The following PLXNA4 variants were observed in gnomAD, a reference collection of about 807,000 sequenced individuals.
PLXNA4 encodes plexin A4.
PLXNA4 carries 44 observed loss-of-function variants against 191.8 expected under a neutral mutation model. The observed-to-expected ratio is 0.23, with a 90% CI of 0.18 to 0.29. The LOEUF (loss-of-function observed/expected upper bound fraction) is 0.29. Ranked by LOEUF, PLXNA4 falls within the 10% of genes least tolerant of loss-of-function variation. The pLI is 1.00. For synonymous variants in PLXNA4, 1,082 were observed against 1,009.5 expected (o/e 1.07, Z -1.36); for missense variants, 1,800 against 2,488.8 (o/e 0.72, Z 5.89).
At chr7:132,349,447 G>C (rs1803392834) in intron 3 of PLXNA4, among the ~76,000 whole-genome samples, 1 of 152,170 alleles carries the variant, frequency 6.6e-6, no homozygotes, top group African/African-American at 2.4e-5. Flanking sequence ...GGGCTACCAA[G>C]GGGGGCCACT....
intron 3 of PLXNA4, among the ~76,000 whole-genome samples, chr7:132,391,531 T>C (rs570603227): frequency 6.6e-6 from 1 of 152,110 alleles, no homozygotes; most frequent in Non-Finnish European, 1.5e-5. Context: ...GAGCAAAGAA[T>C]GGGGATGTTT....
intron 10 of PLXNA4, 84 bp from the exon 11 acceptor site, chr7:132,203,503 G>A (rs577063660): frequency 1.0e-5 from 12 of 1,204,304 alleles, no homozygotes; most frequent in African/African-American, 4.5e-5. Flanking sequence ...GCCTACGGCC[G>A]TTAAGAGCTC....
At chr7:132,624,070 C>A (rs1380033392) in intron 2 of PLXNA4, among the ~76,000 whole-genome samples, 1 of 152,178 alleles carries the variant, frequency 6.6e-6, no homozygotes, top group African/African-American at 2.4e-5. Context: ...ATTCAATATT[C>A]AGAACCTACT....
At chr7:132,350,876 A>C (rs1803457314) in intron 3 of PLXNA4, among the ~76,000 whole-genome samples, 1 of 152,258 alleles carries the variant, frequency 6.6e-6, no homozygotes, top group African/African-American at 2.4e-5. Context: ...CCAAAAAAGG[A>C]AACAATGCAA....
chr7:132,350,109 G>T (rs1803422238), intron 3 of PLXNA4, among the ~76,000 whole-genome samples: 1 of 152,186 alleles, frequency 6.6e-6, no homozygotes, highest in South Asian at 2.1e-4. Context: ...AGATAAGTAA[G>T]GGGTTCAAGA....
intron 3 of PLXNA4, among the ~76,000 whole-genome samples, chr7:132,476,039 A>G (rs1004706412): frequency 5.3e-5 from 8 of 152,154 alleles, no homozygotes; most frequent in African/African-American, 1.4e-4. Flanking sequence ...GCCGGTTCCT[A>G]TGCTTGCATG....
At chr7:132,261,481 A>C (rs1228456816) in intron 4 of PLXNA4, among the ~76,000 whole-genome samples, 1 of 152,212 alleles carries the variant, frequency 6.6e-6, no homozygotes, top group Admixed American at 6.5e-5. Flanking sequence ...GACACACCAC[A>C]CTATTTATCA....
chr7:132,322,092 C>T (rs1802189876), intron 3 of PLXNA4, among the ~76,000 whole-genome samples: 1 of 151,674 alleles, frequency 6.6e-6, no homozygotes, highest in Non-Finnish European at 1.5e-5. Flanking sequence ...ATCTGGAAAT[C>T]TTTGCATGCA....
chr7:132,431,751 C>T (rs1047257827), intron 3 of PLXNA4, among the ~76,000 whole-genome samples: 2 of 152,188 alleles, frequency 1.3e-5, no homozygotes, highest in Non-Finnish European at 2.9e-5. Flanking sequence ...GAGCTCTGGT[C>T]TTGGCCTCAG....
intron 2 of PLXNA4, among the ~76,000 whole-genome samples, chr7:132,602,817 T>G (rs1334007649): frequency 3.3e-5 from 5 of 152,210 alleles, no homozygotes; most frequent in Non-Finnish European, 1.5e-5. Context: ...AGACTCTCAT[T>G]GTCTCACCTT....
chr7:132,621,541 G>A (rs1049047848), intron 2 of PLXNA4, among the ~76,000 whole-genome samples: 2 of 152,188 alleles, frequency 1.3e-5, no homozygotes, highest in Non-Finnish European at 2.9e-5. Flanking sequence ...TTACAGGCAT[G>A]AGCCATCGCA....
intron 4 of PLXNA4, among the ~76,000 whole-genome samples, chr7:132,245,115 T>C (rs1799004566): frequency 6.6e-6 from 1 of 151,608 alleles, no homozygotes; most frequent in South Asian, 2.1e-4. Flanking sequence ...CCACGCTGAT[T>C]AAAGTCTTAA....
At position 132,167,541 on chromosome 7, in the gene PLXNA4, A is replaced by G. The variant is rs558763478; in HGVS notation, c.4286+763T>C. 4.6e-5 allele frequency among the ~76,000 whole-genome samples: 7 copies of G among 151,886 alleles called. No homozygotes were observed. The East Asian group carries it at 1.4e-3, about 29-fold the overall frequency. ...TTCTGCATTTATTTATTTATTTTTT[A>G]ATTTTTTTTTAGCGACAGGGTCTTG... On this transcript the variant is annotated intron_variant, in intron 22 of 31. Coordinates refer to ENST00000321063, the MANE Select transcript of PLXNA4 (RefSeq NM_020911.2).
chr7:132,244,708 GC>G (rs769266800), intron 4 of PLXNA4, among the ~76,000 whole-genome samples: 2 of 152,146 alleles, frequency 1.3e-5, no homozygotes, highest in African/African-American at 2.4e-5. Context: ...CTCCAGCATG[GC>G]CAAGGCCTCC....
rs1795376802 is a variant in PLXNA4, at chr7:132,145,007, A to C, written c.5225+112T>G. The C allele has an allele frequency of 4.6e-6, 7 of 1,510,214 alleles. No individual in the cohort carries two copies. The South Asian group carries it at 8.2e-5, about 18-fold the overall frequency. 93.6% of individuals were successfully genotyped at this position (1,510,214 alleles called of 1,614,324 possible). A position where few individuals can be genotyped will look rare whatever the true frequency, so the allele number is the denominator to read the frequency against. On this transcript the variant is annotated intron_variant, in intron 29 of 31. Transcript: ENST00000321063. ...TGCCTGCTCAGAGTCCCTGCTGATG[A>C]AAACAGGCTCTGGCCAGCCCTTCTC...
chr7:132,459,090 G>A (rs1282433273), intron 3 of PLXNA4, among the ~76,000 whole-genome samples: 1 of 152,076 alleles, frequency 6.6e-6, no homozygotes, highest in Non-Finnish European at 1.5e-5. Context: ...TAAACCGTGT[G>A]CCTTTACAGA....
chr7:132,200,504 T>C (rs1797397407), intron 12 of PLXNA4, among the ~76,000 whole-genome samples: 1 of 152,198 alleles, frequency 6.6e-6, no homozygotes, highest in Non-Finnish European at 1.5e-5. Flanking sequence ...AGTCTGAGAA[T>C]CACTGTTTAG....
chr7:132,561,299 C>T (rs1008375579), intron 1 of PLXNA4, among the ~76,000 whole-genome samples: 1 of 151,292 alleles, frequency 6.6e-6, no homozygotes, highest in African/African-American at 2.4e-5. Context: ...TCCTCCTTCT[C>T]CTCCTCTTTC....
At chr7:132,440,845 T>G (rs150530656) in intron 3 of PLXNA4, among the ~76,000 whole-genome samples, 141 of 152,254 alleles carry the variant, frequency 9.3e-4, no homozygotes, top group African/African-American at 3.1e-3. Context: ...ATCTATAAGG[T>G]TTCACTTGGG....
Sources: allele counts gnomAD v4.1 joint callset (sites outside exome capture counted in the v4.1 genomes callset), GRCh38; gene constraint gnomAD v4.1.1; transcripts MANE v1.5; gene names NCBI Gene and HGNC (gene_info 2026-07-23, HGNC 2026-07-21).